The following PHLDB2 variants were observed in gnomAD, a reference collection of about 807,000 sequenced individuals.
PHLDB2 encodes pleckstrin homology-like domain family B member 2.
Under a neutral mutation model 123.6 loss-of-function variants are expected in PHLDB2, and 71 were observed. That is an observed-to-expected ratio of 0.57 (90% CI 0.47 to 0.70). PHLDB2 has a LOEUF of 0.70. Among genes scored for constraint, PHLDB2 ranks in the 30% least tolerant of loss-of-function variants. PHLDB2 has a pLI of 0.00. For missense variants in PHLDB2, 1,446 were observed against 1,519.5 expected (o/e 0.95, Z 0.80); for synonymous variants, 547 against 541.6 (o/e 1.01, Z -0.14).
intron 2 of PHLDB2, among the ~76,000 whole-genome samples, chr3:111,887,427 GA>G (rs1164545818): frequency 1.3e-5 from 2 of 152,152 alleles, no homozygotes; most frequent in Non-Finnish European, 2.9e-5. Flanking sequence ...AGGGATGACG[GA>G]TTCTTATCAA....
At chr3:111,960,657 A>G (rs1255169327) in intron 12 of PHLDB2, among the ~76,000 whole-genome samples, 1 of 152,208 alleles carries the variant, frequency 6.6e-6, no homozygotes, top group Non-Finnish European at 1.5e-5. Context: ...CTTGCCTACT[A>G]TTGACCATTT....
rs944188208 is a variant in PHLDB2, at chr3:111,844,870, A to G, written c.-48-951A>G. Among the ~76,000 whole-genome samples, 6 of 152,306 alleles carry G rather than the reference A, an allele frequency of 3.9e-5. No homozygotes were observed. The South Asian group carries it at 1.2e-3, about 32-fold the overall frequency. ...AGAGACATTGTGAGAATCAAGTGGGACAATATTTGGCATACTAGGTGTACA... is the reference window on the plus strand; with the variant it reads ...AGAGACATTGTGAGAATCAAGTGGGGCAATATTTGGCATACTAGGTGTACA... On this transcript the variant is annotated intron_variant, in intron 1 of 17. Transcript: ENST00000393923.
chr3:111,752,024 A>G (rs1405450059), intron 1 of PHLDB2, among the ~76,000 whole-genome samples: 1 of 152,180 alleles, frequency 6.6e-6, no homozygotes, highest in African/African-American at 2.4e-5. Context: ...CTGGCTTAGA[A>G]CACCCTGAAG....
Position 111,973,789 on chromosome 3 carries a change from A to G in PHLDB2, c.3593A>G (p.Tyr1198Cys), listed in dbSNP as rs138093020. 812 of 1,600,008 alleles carry G rather than the reference A, an allele frequency of 5.1e-4. 2 individuals are homozygous for G. The highest frequency in any genetic ancestry group is 9.7e-4 in the Admixed American group (58 of 59,598). Residue 1198 changes from tyrosine (Y) to cysteine (C), a missense_variant, in exon 17 of 18, where the codon TAT (tyrosine) becomes TGT (cysteine). Tyr to Cys is a radical substitution (Grantham distance 194). Coordinates refer to ENST00000431670, the MANE Select transcript of PHLDB2 (RefSeq NM_001134438.2). ...VIYFQAIEEV[Y>C]YDHLKNANKS... is the part of the protein sequence containing the mutation. ...TACTTTCAAGCCATTGAAGAAGTCT[A>G]TTATGATCACCTCAAGAATGCTAAT...
intron 1 of PHLDB2, among the ~76,000 whole-genome samples, chr3:111,742,565 GT>G (rs2059621678): frequency 6.6e-6 from 1 of 152,038 alleles, no homozygotes; most frequent in African/African-American, 2.4e-5. Flanking sequence ...GCGGTGTTTG[GT>G]TTTTTGTCCT....
At chr3:111,762,916 T>C (rs1490801034) in intron 1 of PHLDB2, among the ~76,000 whole-genome samples, 1 of 152,046 alleles carries the variant, frequency 6.6e-6, no homozygotes, top group Non-Finnish European at 1.5e-5. Flanking sequence ...TCTCCTTTTT[T>C]GAAAAAGGAG....
At chr3:111,805,065 A>T (rs1035167709) in intron 1 of PHLDB2, among the ~76,000 whole-genome samples, 3 of 151,962 alleles carry the variant, frequency 2.0e-5, no homozygotes, top group African/African-American at 7.3e-5. Flanking sequence ...TTTGGAGAAC[A>T]GTTTGACAAT....
chr3:111,825,164 G>A (rs977270658), intron 1 of PHLDB2, among the ~76,000 whole-genome samples: 29 of 152,278 alleles, frequency 1.9e-4, no homozygotes, highest in Middle Eastern at 3.4e-3. Flanking sequence ...CCATAATCTA[G>A]GTAATTGTCA....
chr3:111,803,028 T>A (rs867271701), intron 1 of PHLDB2, among the ~76,000 whole-genome samples: 18 of 152,208 alleles, frequency 1.2e-4, no homozygotes, highest in African/African-American at 4.3e-4. Flanking sequence ...GTATAGGGGA[T>A]GTTGTACAAA....
chr3:111,926,050 A>C (rs147938834), intron 5 of PHLDB2, among the ~76,000 whole-genome samples: 2 of 152,342 alleles, frequency 1.3e-5, no homozygotes, highest in African/African-American at 4.8e-5. Flanking sequence ...GTTTAAGGAC[A>C]AATATTGTGT....
chr3:111,855,629 CTTTT>C (rs11368889), upstream of PHLDB2, among the ~76,000 whole-genome samples: 47 of 79,842 alleles, frequency 5.9e-4, no homozygotes, highest in South Asian at 1.3e-3. Context: ...CTGCATTTGT[CTTTT>C]TTTTTTTTTT....
At chr3:111,890,860 T>A (rs528158302) in intron 2 of PHLDB2, among the ~76,000 whole-genome samples, 1 of 152,284 alleles carries the variant, frequency 6.6e-6, no homozygotes, top group Admixed American at 6.5e-5. Flanking sequence ...TAATTTTACT[T>A]TTTTGGTTTT....
chr3:111,859,574 C>T lies in PHLDB2; in HGVS notation c.-17C>T. The T allele has an allele frequency of 1.0e-6, 1 of 985,598 alleles. No homozygotes were observed. Among genetic ancestry groups the T allele is most frequent in the Non-Finnish European group, 1.2e-6 (1 of 830,048 alleles). The allele number at this position is 985,598 out of a possible 1,614,324, so 61.1% of individuals were successfully genotyped here. On this transcript the variant is annotated splice_region_variant and 5_prime_UTR_variant, in exon 1 of 18. Coordinates refer to ENST00000431670, the MANE Select transcript of PHLDB2 (RefSeq NM_001134438.2). ...GCCGGGAACGGGCTGCACCAATGGC[C>T]AGGTGAGGAGGCGGCGGTGGTCGCC...
intron 2 of PHLDB2, among the ~76,000 whole-genome samples, chr3:111,896,165 T>C (rs2107410371): frequency 6.6e-6 from 1 of 152,068 alleles, no homozygotes; most frequent in East Asian, 1.9e-4. Flanking sequence ...GTTGGCCAGG[T>C]TGTTCTCGAA....
intron 1 of PHLDB2, among the ~76,000 whole-genome samples, chr3:111,816,383 C>T (rs1259021032): frequency 1.3e-5 from 2 of 152,208 alleles, no homozygotes; most frequent in African/African-American, 4.8e-5. Context: ...CCCTGCAAAG[C>T]CATAGGGGCA....
intron 1 of PHLDB2, among the ~76,000 whole-genome samples, chr3:111,861,315 A>G (rs1427384898): frequency 6.6e-6 from 1 of 152,204 alleles, no homozygotes; most frequent in African/African-American, 2.4e-5. Flanking sequence ...TAGTTATTTA[A>G]AAGGATTTTC....
intron 2 of PHLDB2, among the ~76,000 whole-genome samples, chr3:111,893,110 T>C (rs1251484543): frequency 2.0e-5 from 3 of 151,898 alleles, no homozygotes; most frequent in Non-Finnish European, 4.4e-5. Context: ...CCAAAATAAG[T>C]TGGGCATTCA....
intron 2 of PHLDB2, among the ~76,000 whole-genome samples, chr3:111,847,413 G>T (rs1245627954): frequency 6.6e-6 from 1 of 152,112 alleles, no homozygotes. Flanking sequence ...ACTAATAAAA[G>T]AACTTAAAAT....
At position 111,834,246 on chromosome 3, in the gene PHLDB2, T is replaced by TATAATTCTATTATATATATAA. The variant is rs1559858371; in HGVS notation, c.-48-11575_-48-11574insATAATTCTATTATATATATAA. 1.3e-4 allele frequency among the ~76,000 whole-genome samples: 12 copies of TATAATTCTATTATATATATAA among 89,886 alleles called. 1 individual carries two copies. The highest frequency in any genetic ancestry group is 8.0e-4 in the African/African-American group (10 of 12,432). The allele number at this position is 89,886 out of a possible 152,430, so 59.0% of individuals were successfully genotyped here. A position where few individuals can be genotyped will look rare whatever the true frequency, so the allele number is the denominator to read the frequency against. ...TATATATATTATGTATATAATAGAA[T>TATAATTCTATTATATATATAA]TATATATATAATTCTATTATATACA... On this transcript the variant is annotated intron_variant, in intron 1 of 17. Coordinates refer to the PHLDB2 transcript ENST00000393923.
Sources: allele counts gnomAD v4.1 joint callset (sites outside exome capture counted in the v4.1 genomes callset), GRCh38; gene constraint gnomAD v4.1.1; transcripts MANE v1.5; gene names NCBI Gene and HGNC (gene_info 2026-07-23, HGNC 2026-07-21).